PDE4B: variants seen among roughly 807,000 people sequenced by gnomAD.
PDE4B encodes the protein phosphodiesterase 4B.
A neutral mutation model predicts 82.2 loss-of-function variants in PDE4B; 20 were observed. The observed-to-expected ratio is 0.24, with a 90% CI of 0.17 to 0.35. The LOEUF is 0.35. Among genes scored for constraint, PDE4B ranks in the 10% least tolerant of loss-of-function variants. The pLI, the probability that PDE4B is intolerant of heterozygous loss-of-function variation, is 1.00. For missense variants in PDE4B, 655 were observed against 907.2 expected (o/e 0.72, Z 3.57); for synonymous variants, 320 against 318.9 (o/e 1.00, Z -0.04).
Position 65,841,381 on chromosome 1 carries a change from AAAGG to A in PDE4B, c.-71+48148_-71+48151del, listed in dbSNP as rs71590332. The stretch of plus-strand genomic sequence containing the variant: ...AAGAGAGAGAAAGGGAAAGGAAAGG[AAAGG>A]AAGGAAGGAAGGAATTATTGCACTT... On this transcript the variant is annotated intron_variant, in intron 1 of 16. Transcript: ENST00000341517. Among the ~76,000 whole-genome samples the A allele has an allele frequency of 1.1e-4, 17 of 150,344 alleles. No individual in the cohort carries two copies. In the South Asian group the frequency reaches 3.6e-3, roughly 32 times the overall value.
intron 1 of PDE4B, among the ~76,000 whole-genome samples, chr1:65,844,384 C>T (rs945815560): frequency 6.6e-6 from 1 of 152,148 alleles, no homozygotes; most frequent in Non-Finnish European, 1.5e-5. Context: ...TGTTTGGCAT[C>T]GCCTTGATGA....
chr1:66,350,844 G>T (rs1157096507), intron 8 of PDE4B, among the ~76,000 whole-genome samples: 1 of 152,138 alleles, frequency 6.6e-6, no homozygotes, highest in Admixed American at 6.5e-5. Context: ...AATAATCTCT[G>T]TATGCAGTGT....
At position 65,942,083 on chromosome 1, in the gene PDE4B, T is replaced by G. The variant is rs1202359114; in HGVS notation, c.281+23248T>G. On this transcript the variant is annotated intron_variant, in intron 3 of 16. Coordinates refer to ENST00000341517, the MANE Select transcript of PDE4B (RefSeq NM_002600.4). ...TATTGCTGTTAAGATAAAACAAAAT[T>G]CCGTTCCATAGCCTATTAGCAATTA... 3.9e-5 allele frequency among the ~76,000 whole-genome samples: 6 copies of G among 152,186 alleles called. No individual in the cohort carries two copies. In the South Asian group the frequency reaches 1.2e-3, roughly 32 times the overall value.
At chr1:66,141,327 A>AATATATATATAT (rs71058454) in intron 3 of PDE4B, among the ~76,000 whole-genome samples, 28 of 91,450 alleles carry the variant, frequency 3.1e-4, no homozygotes, top group East Asian at 1.1e-3. Context: ...AAGCTTTGAG[A>AATATATATATAT]ATATATATAT....
chr1:65,828,603 A>G (rs1259990931), intron 1 of PDE4B, among the ~76,000 whole-genome samples: 1 of 152,150 alleles, frequency 6.6e-6, no homozygotes, highest in Non-Finnish European at 1.5e-5. Context: ...TTGTAAAAAT[A>G]TATATTGTTT....
chr1:66,282,325 T>A (rs1190570439), intron 7 of PDE4B, among the ~76,000 whole-genome samples: 1 of 152,178 alleles, frequency 6.6e-6, no homozygotes, highest in Non-Finnish European at 1.5e-5. Flanking sequence ...TTTTGGGTTT[T>A]GAGTAAGCCA....
chr1:66,083,328 C>T (rs1435518429), intron 3 of PDE4B, among the ~76,000 whole-genome samples: 1 of 152,098 alleles, frequency 6.6e-6, no homozygotes, highest in Non-Finnish European at 1.5e-5. Flanking sequence ...ATTTTTTCCA[C>T]TTCTCCTCAC....
chr1:66,028,758 T>A (rs1408946849), intron 3 of PDE4B, among the ~76,000 whole-genome samples: 3 of 152,144 alleles, frequency 2.0e-5, no homozygotes, highest in Non-Finnish European at 4.4e-5. Context: ...AGTCTTTTTG[T>A]TAAAACATAA....
In PDE4B at chr1:66,181,083, A is replaced by G. The variant is rs1244066464; in HGVS notation, c.282-66377A>G. ...AGGCCTCAATGCCCATATCAATACCATTGTGCTGAGTGACAGGAATGATGA... is the reference window on the plus strand; with the variant it reads ...AGGCCTCAATGCCCATATCAATACCGTTGTGCTGAGTGACAGGAATGATGA... On this transcript the variant is annotated intron_variant, in intron 3 of 16. Coordinates refer to ENST00000341517, the MANE Select transcript of PDE4B (RefSeq NM_002600.4). Among the ~76,000 whole-genome samples the G allele has an allele frequency of 1.6e-4, 24 of 152,148 alleles. No individual in the cohort carries two copies. The East Asian group carries it at 4.6e-3, about 29-fold the overall frequency.
chr1:66,040,449 T>G (rs1434219391), intron 3 of PDE4B, among the ~76,000 whole-genome samples: 1 of 152,036 alleles, frequency 6.6e-6, no homozygotes, highest in Non-Finnish European at 1.5e-5. Context: ...GGCTAGATGT[T>G]ACAATTCTTT....
chr1:65,838,331 C>T (rs1362244676), intron 1 of PDE4B, among the ~76,000 whole-genome samples: 1 of 151,792 alleles, frequency 6.6e-6, no homozygotes, highest in African/African-American at 2.4e-5. Context: ...TGGAGGAGGA[C>T]AGAGATTATG....
intron 3 of PDE4B, among the ~76,000 whole-genome samples, chr1:66,171,661 G>C (rs1304365377): frequency 6.6e-6 from 1 of 152,072 alleles, no homozygotes; most frequent in Non-Finnish European, 1.5e-5. Context: ...GAAAATTACA[G>C]CTTGTTTACC....
intron 3 of PDE4B, among the ~76,000 whole-genome samples, chr1:66,060,715 C>T (rs1239201985): frequency 6.6e-6 from 1 of 152,098 alleles, no homozygotes; most frequent in Non-Finnish European, 1.5e-5. Context: ...GTGTGCTTTG[C>T]TTCTGTGACT....
In PDE4B at chr1:66,306,139, C is replaced by T. The variant is rs1365811237; in HGVS notation, c.635-26369C>T. On this transcript the variant is annotated intron_variant, in intron 7 of 16. Transcript: ENST00000341517. ...ACAGAACTTGTATTGGTAATAAGTC[C>T]GTCTCTGTGGTTGAAACAGAGAATA... 3.9e-5 allele frequency among the ~76,000 whole-genome samples: 6 copies of T among 152,060 alleles called. 1 individual carries two copies. The South Asian group carries it at 8.3e-4, about 21-fold the overall frequency.
At chr1:66,259,976 A>G (rs942819038) in intron 6 of PDE4B, among the ~76,000 whole-genome samples, 3 of 152,146 alleles carry the variant, frequency 2.0e-5, no homozygotes, top group African/African-American at 7.2e-5. Context: ...TAGGGTTGTT[A>G]TGAGGATTAA....
At chr1:65,923,250 A>G (rs886690410) in intron 3 of PDE4B, among the ~76,000 whole-genome samples, 1 of 152,078 alleles carries the variant, frequency 6.6e-6, no homozygotes, top group Non-Finnish European at 1.5e-5. Context: ...TCTCTGAGGG[A>G]CTTCACTTTT....
intron 1 of PDE4B, among the ~76,000 whole-genome samples, chr1:65,889,723 T>C (rs548921718): frequency 3.0e-4 from 45 of 152,236 alleles, no homozygotes; most frequent in Admixed American, 2.0e-3. Context: ...TGCTGCTTCA[T>C]TGGGGAACCT....
intron 3 of PDE4B, among the ~76,000 whole-genome samples, chr1:66,006,167 A>G (rs893872154): frequency 2.0e-5 from 3 of 152,214 alleles, no homozygotes; most frequent in Non-Finnish European, 4.4e-5. Context: ...GTACTTAGTT[A>G]TCTGAAAGCT....
chr1:66,272,778 T>A (rs896348896), intron 7 of PDE4B, among the ~76,000 whole-genome samples: 3 of 138,360 alleles, frequency 2.2e-5, no homozygotes, highest in African/African-American at 8.2e-5. Context: ...GTACTAGAAT[T>A]CTTTTTTTTT....
Sources: gnomAD v4.1 joint callset for allele counts (sites outside exome capture counted in the v4.1 genomes callset) on GRCh38, gnomAD v4.1.1 for gene constraint, MANE v1.5 for transcripts, NCBI Gene and HGNC (gene_info 2026-07-23, HGNC 2026-07-21) for gene names.